Variants in PLAUR observed in about 807,000 individuals in gnomAD.
PLAUR encodes plasminogen activator, urokinase receptor, also known as urokinase plasminogen activator surface receptor.
A neutral mutation model predicts 33.4 loss-of-function variants in PLAUR; 22 were observed. That is an observed-to-expected ratio of 0.66 (90% CI 0.47 to 0.94). PLAUR has a LOEUF of 0.94. PLAUR is among the 40% of genes least tolerant of loss of function. The pLI, the probability that PLAUR is intolerant of heterozygous loss-of-function variation, is 0.00. For synonymous variants in PLAUR, 148 were observed against 167.3 expected (o/e 0.88, Z 0.89); for missense variants, 408 against 434.7 (o/e 0.94, Z 0.55).
chr19:43,652,266 C>A lies in PLAUR; in HGVS notation c.713G>T (p.Arg238Leu). 6.2e-7 allele frequency: 1 copy of A among 1,614,074 alleles called. No individual in the cohort carries two copies. The highest frequency in any genetic ancestry group is 8.5e-7 in the Non-Finnish European group (1 of 1,179,996). The change falls in exon 6 of 7, where the codon CGA becomes CTA. Residue 238 changes from arginine (R) to leucine (L), a missense_variant. Physicochemically the swap from Arg to Leu is moderately radical, Grantham distance 102. Transcript: ENST00000340093. ...SSEETFLIDC[R>L]GPMNQCLVAT... ...TACCAGACATTGATTCATGGGGCCT[C>A]GGCAGTCAATGAGGAAAGTCTCTTC...
intron 3 of PLAUR, chr19:43,661,299 T>C (rs1337401705): frequency 1.3e-5 from 2 of 152,206 alleles, no homozygotes; most frequent in Non-Finnish European, 2.9e-5. Context: ...GATTGGCAAG[T>C]GCGCTCCGGG....
intron 1 of PLAUR, among the ~76,000 whole-genome samples, chr19:43,669,744 A>G (rs561459405): frequency 1.4e-5 from 2 of 145,126 alleles, no homozygotes; most frequent in South Asian, 2.3e-4. Context: ...CCCGGGCGGC[A>G]GAGGTTGCAG....
intron 4 of PLAUR, among the ~76,000 whole-genome samples, chr19:43,656,047 G>C (rs141757460): frequency 1.0e-3 from 157 of 152,198 alleles, no homozygotes; most frequent in African/African-American, 3.7e-3. Flanking sequence ...AAGGTCAGGA[G>C]TTTGAGACCA....
chr19:43,655,979 G>T (rs371313809), intron 4 of PLAUR, among the ~76,000 whole-genome samples: 1 of 152,172 alleles, frequency 6.6e-6, no homozygotes, highest in South Asian at 2.1e-4. Context: ...GGGTGGCCGG[G>T]CGTGGTGGCT....
At chr19:43,656,179 G>T (rs983816914) in intron 4 of PLAUR, among the ~76,000 whole-genome samples, 2 of 151,776 alleles carry the variant, frequency 1.3e-5, no homozygotes, top group Non-Finnish European at 2.9e-5. Context: ...CTTGAACCTG[G>T]GAGGCGGAGG....
rs535693566 is a variant in PLAUR at position 43,649,020 on chromosome 19, C to T, written c.878G>A (p.Cys293Tyr). Reference sequence around the variant, plus strand: ...CTGGACATCCAGGTCTGGGTGGTTACAGCCACTTTTAGTACAGCAGGAGAC... The same window carrying T: ...CTGGACATCCAGGTCTGGGTGGTTATAGCCACTTTTAGTACAGCAGGAGAC... ...IDVSCCTKSGCNHPDLDVQYR... is the reference protein window; with the variant it reads ...IDVSCCTKSGYNHPDLDVQYR... Residue 293 changes from cysteine to tyrosine, a missense_variant, in exon 7 of 7, where the codon TGT (cysteine) becomes TAT (tyrosine). Cys to Tyr is a radical substitution (Grantham distance 194, BLOSUM62 -2). Transcript: ENST00000340093. The T allele has an allele frequency of 1.9e-6, 3 of 1,614,220 alleles. No homozygotes were observed. The African/African-American group carries it at 4.0e-5, about 22-fold the overall frequency.
chr19:43,668,510 G>A (rs1208565501), intron 1 of PLAUR, among the ~76,000 whole-genome samples: 1 of 136,516 alleles, frequency 7.3e-6, no homozygotes, highest in Non-Finnish European at 1.5e-5. Context: ...AGCTCTCCCC[G>A]CCCCTAGTTT....
At chr19:43,646,436 G>A (rs886889745), downstream of PLAUR, 5 of 717,646 alleles carry the variant, frequency 7.0e-6, no homozygotes, top group Non-Finnish European at 1.3e-5. Context: ...AAACATCTGG[G>A]GCTCTATCTC....
chr19:43,651,010 C>G (rs573122662), intron 6 of PLAUR, among the ~76,000 whole-genome samples: 1 of 144,504 alleles, frequency 6.9e-6, no homozygotes, highest in Non-Finnish European at 1.5e-5. Flanking sequence ...TCTAGCCTGG[C>G]GACAGAGCAA....
rs2146228525 is a variant in PLAUR at position 43,656,521 on chromosome 19, A to C, written c.430T>G (p.Cys144Gly). 2 of 1,609,742 alleles carry C rather than the reference A, an allele frequency of 1.2e-6. No individual in the cohort carries two copies. The highest frequency in any genetic ancestry group is 1.7e-4 in the Middle Eastern group (1 of 6,050). The change falls in exon 4 of 7, where the codon TGC becomes GGC. Residue 144 changes from cysteine to glycine, a missense_variant. Coordinates refer to ENST00000340093, the MANE Select transcript of PLAUR (RefSeq NM_002659.4). ...SLQCRSPEEQ[C>G]LDVVTHWIQE... ...ATCCAGTGGGTCACCACATCCAGGCACTGTTCTTCAGGGCTGCGGCACTGC... is the reference window on the plus strand; with the variant it reads ...ATCCAGTGGGTCACCACATCCAGGCCCTGTTCTTCAGGGCTGCGGCACTGC...
intron 3 of PLAUR, 75 bp from the exon 4 acceptor site, chr19:43,656,715 C>A: frequency 7.9e-7 from 1 of 1,258,466 alleles, no homozygotes; most frequent in Non-Finnish European, 1.1e-6. Flanking sequence ...AGGACTCACT[C>A]AAAATCAATT....
chr19:43,647,905 G>A (rs1313144457), downstream of PLAUR, among the ~76,000 whole-genome samples: 3 of 151,182 alleles, frequency 2.0e-5, no homozygotes, highest in African/African-American at 7.3e-5. Context: ...ACCAACCTGA[G>A]GGGGGCTTTT....
At chr19:43,656,830 C>G (rs1396278083) in intron 3 of PLAUR, 190 bp from the exon 4 acceptor site, 2 of 481,272 alleles carry the variant, frequency 4.2e-6, no homozygotes, top group Admixed American at 3.9e-5. Flanking sequence ...ACCAGTCCAG[C>G]TCAGACCTCC....
At position 43,648,918 on chromosome 19, in the gene PLAUR, A is replaced by C. The variant is rs1342333028; in HGVS notation, c.980T>G (p.Leu327Arg). The C allele has an allele frequency of 6.2e-7, 1 of 1,613,824 alleles. No individual in the cohort carries two copies. The highest frequency in any genetic ancestry group is 1.3e-5 in the African/African-American group (1 of 74,930). The change falls in exon 7 of 7, where the codon CTG (leucine) becomes CGG (arginine). Residue 327 changes from leucine to arginine, a missense_variant. Transcript: ENST00000340093. ...GGTCCAGAGGAGAGTGCCTCCCCAC[A>C]GTCTGGCAGTCATTAGCAGGGTGAT... ...LTITLLMTAR[L>R]WGGTLLWT
At chr19:43,654,376 G>T (rs4251896) in intron 5 of PLAUR, among the ~76,000 whole-genome samples, 9,769 of 152,108 alleles carry the variant, frequency 0.064, 371 homozygotes, top group Middle Eastern at 0.19. Flanking sequence ...ACAGAATAAG[G>T]TCTTTGGATC....
In PLAUR at chr19:43,651,990, G is replaced by A. The variant is rs527536718; in HGVS notation, c.754+235C>T. The A allele has an allele frequency of 1.9e-5, 24 of 1,279,484 alleles. No individual in the cohort carries two copies. The African/African-American group carries it at 3.5e-4, about 18-fold the overall frequency. 79.3% of individuals were successfully genotyped at this position (1,279,484 alleles called of 1,614,324 possible). The stretch of plus-strand genomic sequence containing the variant: ...GCCTCAGCCTCCCAAAGTGCTGAGA[G>A]TACAAGCTTCAGCCACCGCACCCAG... On this transcript the variant is annotated intron_variant, in intron 6 of 6. Coordinates refer to ENST00000340093, the MANE Select transcript of PLAUR (RefSeq NM_002659.4).
chr19:43,652,512 G>A, intron 5 of PLAUR, 141 bp from the exon 6 acceptor site: 1 of 767,912 alleles, frequency 1.3e-6, no homozygotes, highest in South Asian at 1.8e-5. Flanking sequence ...AATGGCATTT[G>A]GAGGGGGATG....
chr19:43,669,809 CAAAAAA>C (rs59728904), intron 1 of PLAUR, among the ~76,000 whole-genome samples: 2 of 71,184 alleles, frequency 2.8e-5, no homozygotes, highest in Non-Finnish European at 5.2e-5. Flanking sequence ...GAGACTCTGT[CAAAAAA>C]AAAAAAAAAA....
intron 1 of PLAUR, among the ~76,000 whole-genome samples, chr19:43,668,579 G>C (rs1967373533): frequency 6.7e-6 from 1 of 148,300 alleles, no homozygotes; most frequent in Non-Finnish European, 1.5e-5. Flanking sequence ...CCACCCTGTA[G>C]CTCCTCCCCG....
Sources: gnomAD v4.1 joint callset for allele counts (sites outside exome capture counted in the v4.1 genomes callset) on GRCh38, gnomAD v4.1.1 for gene constraint, MANE v1.5 for transcripts, NCBI Gene and HGNC (gene_info 2026-07-23, HGNC 2026-07-21) for gene names.